The following AGBL4 variants were observed in gnomAD, a reference collection of about 807,000 sequenced individuals.
AGBL4 encodes the protein cytosolic carboxypeptidase 6.
In AGBL4, 58 loss-of-function variants were observed where a neutral mutation model predicts 66.4. That is an observed-to-expected ratio of 0.87 (90% confidence interval 0.71 to 1.09). The LOEUF (loss-of-function observed/expected upper bound fraction) is 1.09. Ranked by LOEUF, AGBL4 falls within the 50% of genes least tolerant of loss-of-function variation. The pLI is 0.00. For missense variants in AGBL4, 579 were observed against 631.0 expected (o/e 0.92, Z 0.88); for synonymous variants, 234 against 222.9 (o/e 1.05, Z -0.44).
chr1:48,804,019 A>C (rs1191370428), intron 6 of AGBL4, among the ~76,000 whole-genome samples: 1 of 152,210 alleles, frequency 6.6e-6, no homozygotes, highest in Non-Finnish European at 1.5e-5. Context: ...AAAATCTTAG[A>C]TTATTAACAA....
intron 3 of AGBL4, among the ~76,000 whole-genome samples, chr1:49,515,568 G>A (rs944384944): frequency 6.6e-6 from 1 of 151,704 alleles, no homozygotes; most frequent in African/African-American, 2.4e-5. Flanking sequence ...AAATCATGCT[G>A]CTATAAAGAC....
intron 5 of AGBL4, among the ~76,000 whole-genome samples, chr1:48,933,285 T>A (rs1311938750): frequency 6.6e-6 from 1 of 152,218 alleles, no homozygotes; most frequent in Non-Finnish European, 1.5e-5. Flanking sequence ...TAGAAAATCT[T>A]AGAGATCATT....
chr1:49,779,702 G>A (rs1644289698), intron 2 of AGBL4, among the ~76,000 whole-genome samples: 1 of 152,108 alleles, frequency 6.6e-6, no homozygotes, highest in Admixed American at 6.6e-5. Context: ...TGTGCATCAA[G>A]TCTGATGTAG....
At chr1:49,548,415 T>C (rs1338950600) in intron 3 of AGBL4, among the ~76,000 whole-genome samples, 3 of 152,200 alleles carry the variant, frequency 2.0e-5, no homozygotes, top group African/African-American at 7.2e-5. Context: ...TGTGGGTTTG[T>C]CATAGATGAC....
chr1:49,740,133 G>C lies in AGBL4; in HGVS notation c.158-42696C>G, dbSNP rs549353228. 4.3e-4 allele frequency among the ~76,000 whole-genome samples: 65 copies of C among 152,280 alleles called. No homozygotes were observed. The Middle Eastern group carries it at 0.01, about 24-fold the overall frequency. On this transcript the variant is annotated intron_variant, in intron 2 of 13. Coordinates refer to ENST00000371839, the MANE Select transcript of AGBL4 (RefSeq NM_032785.4). ...TTGGATAAAGAGGCAAGATCCATCA[G>C]TGTGCTGTATTCAGGAAACCCATCT...
chr1:48,608,450 AG>A (rs1447237208), intron 9 of AGBL4, among the ~76,000 whole-genome samples: 14 of 152,212 alleles, frequency 9.2e-5, no homozygotes, highest in African/African-American at 3.1e-4. Context: ...TATGGTGGAG[AG>A]GAGATTGCAT....
At chr1:49,890,240 G>C (rs1001008804) in intron 1 of AGBL4, among the ~76,000 whole-genome samples, 7 of 152,110 alleles carry the variant, frequency 4.6e-5, no homozygotes, top group Admixed American at 2.6e-4. Context: ...TTAGTGAAAA[G>C]GCTGTAATTA....
At chr1:48,834,875 T>C (rs749728955) in intron 6 of AGBL4, among the ~76,000 whole-genome samples, 10 of 152,174 alleles carry the variant, frequency 6.6e-5, no homozygotes, top group Non-Finnish European at 1.2e-4. Flanking sequence ...TTGGTGAAAG[T>C]TGTTGCATGT....
chr1:49,979,333 C>T (rs1202625809), intron 1 of AGBL4, among the ~76,000 whole-genome samples: 2 of 151,552 alleles, frequency 1.3e-5, no homozygotes, highest in Non-Finnish European at 2.9e-5. Flanking sequence ...CGGTGGCGGG[C>T]GCCTGTAGTC....
At chr1:48,753,011 G>A (rs1403131334) in intron 6 of AGBL4, among the ~76,000 whole-genome samples, 1 of 152,220 alleles carries the variant, frequency 6.6e-6, no homozygotes, top group Non-Finnish European at 1.5e-5. Flanking sequence ...GCCTCCCAAA[G>A]TGCTGGGATT....
chr1:49,900,802 T>A (rs1160344062), intron 1 of AGBL4, among the ~76,000 whole-genome samples: 1 of 152,222 alleles, frequency 6.6e-6, no homozygotes, highest in Non-Finnish European at 1.5e-5. Flanking sequence ...ACTGCTCTGA[T>A]ATATACTATC....
chr1:49,928,239 TTTTTTATTTTTA>T (rs1020434740), intron 1 of AGBL4, among the ~76,000 whole-genome samples: 1 of 152,060 alleles, frequency 6.6e-6, no homozygotes, highest in Non-Finnish European at 1.5e-5. Flanking sequence ...ACCTTTTTTA[TTTTTTATTTTTA>T]TTTTTATTTT....
intron 6 of AGBL4, among the ~76,000 whole-genome samples, chr1:48,721,276 A>T (rs992555575): frequency 6.6e-6 from 1 of 152,178 alleles, no homozygotes; most frequent in Non-Finnish European, 1.5e-5. Context: ...CCCTGTGATC[A>T]CTGCAATTCA....
At chr1:48,968,834 A>T (rs1442777775) in intron 5 of AGBL4, among the ~76,000 whole-genome samples, 1 of 152,180 alleles carries the variant, frequency 6.6e-6, no homozygotes, top group Admixed American at 6.6e-5. Flanking sequence ...ACCAGACGGC[A>T]TTCAGCAGAA....
intron 3 of AGBL4, among the ~76,000 whole-genome samples, chr1:49,291,961 C>T (rs1030694324): frequency 1.3e-5 from 2 of 152,242 alleles, no homozygotes. Flanking sequence ...CCACCTTGGG[C>T]ACAGCTGCAG....
chr1:49,281,660 T>C (rs1269792319), intron 3 of AGBL4, among the ~76,000 whole-genome samples: 1 of 152,244 alleles, frequency 6.6e-6, no homozygotes, highest in Non-Finnish European at 1.5e-5. Flanking sequence ...CTCAGTTTCC[T>C]GGCATACAGC....
chr1:49,086,502 G>T (rs982731282), intron 4 of AGBL4, among the ~76,000 whole-genome samples: 10 of 151,992 alleles, frequency 6.6e-5, no homozygotes, highest in African/African-American at 2.4e-4. Context: ...GCCTCCCGTT[G>T]TCCTAGGAAA....
At chr1:49,189,990 C>T (rs1030856707) in intron 4 of AGBL4, among the ~76,000 whole-genome samples, 1 of 152,068 alleles carries the variant, frequency 6.6e-6, no homozygotes, top group Non-Finnish European at 1.5e-5. Context: ...TTTATTTTTC[C>T]TCCAAAGACT....
At chr1:49,860,696 CA>C (rs1260948965) in intron 1 of AGBL4, among the ~76,000 whole-genome samples, 2 of 147,532 alleles carry the variant, frequency 1.4e-5, no homozygotes, top group Non-Finnish European at 3.0e-5. Flanking sequence ...GATGCTGTCT[CA>C]AAAAAATAGT....
Sources: allele counts gnomAD v4.1 joint callset (sites outside exome capture counted in the v4.1 genomes callset), GRCh38; gene constraint gnomAD v4.1.1; transcripts MANE v1.5; gene names NCBI Gene and HGNC (gene_info 2026-07-23, HGNC 2026-07-21).